XKR4: variants seen among roughly 807,000 people sequenced by gnomAD.
XKR4 encodes XK related 4.
In XKR4, 12 loss-of-function variants were observed where a neutral mutation model predicts 53.9. The ratio of observed to expected loss-of-function variants is 0.22; its 90% CI spans 0.14 to 0.36. XKR4 has a LOEUF of 0.36. Ranked by LOEUF, XKR4 falls within the 10% of genes least tolerant of loss-of-function variation. The pLI, the probability that XKR4 is intolerant of heterozygous loss-of-function variation, is 1.00. For synonymous variants in XKR4, 354 were observed against 362.4 expected (o/e 0.98, Z 0.26); for missense variants, 799 against 859.5 (o/e 0.93, Z 0.88).
At chr8:55,142,784 C>T (rs989270711) in intron 1 of XKR4, among the ~76,000 whole-genome samples, 1 of 152,198 alleles carries the variant, frequency 6.6e-6, no homozygotes, top group Non-Finnish European at 1.5e-5. Context: ...GCTTTTATTG[C>T]ATGTATGCGT....
In XKR4 at chr8:55,538,913, T is replaced by G. The variant is rs962497612; in HGVS notation, c.*14686T>G. The G allele has an allele frequency of 2.0e-5, 3 of 152,196 alleles. No homozygotes were observed. The highest frequency in any genetic ancestry group is 4.4e-5 in the Non-Finnish European group (3 of 68,042). 9.4% of individuals were successfully genotyped at this position (152,196 alleles called of 1,614,324 possible). ...TTATTTCCACCTGTAACTCCTGAAT[T>G]GATTCATTTTCACGTTATAACTACA... On this transcript the variant is annotated 3_prime_UTR_variant, in exon 3 of 3. Coordinates refer to ENST00000327381, the MANE Select transcript of XKR4 (RefSeq NM_052898.2).
chr8:55,204,632 A>G (rs754953165), intron 1 of XKR4, among the ~76,000 whole-genome samples: 8 of 152,184 alleles, frequency 5.3e-5, no homozygotes, highest in Non-Finnish European at 1.0e-4. Flanking sequence ...TGAACAAAAA[A>G]CCTGGATAAT....
chr8:55,479,211 A>C (rs1190361968), intron 2 of XKR4, among the ~76,000 whole-genome samples: 1 of 152,160 alleles, frequency 6.6e-6, no homozygotes, highest in African/African-American at 2.4e-5. Context: ...CTCAGACCAC[A>C]GTGCAATCAA....
intron 1 of XKR4, among the ~76,000 whole-genome samples, chr8:55,228,511 A>G (rs913096089): frequency 6.6e-6 from 1 of 152,206 alleles, no homozygotes; most frequent in Non-Finnish European, 1.5e-5. Context: ...TCTCATTCTC[A>G]GAAGCCTTAG....
chr8:55,483,142 A>G (rs756128426), intron 2 of XKR4, among the ~76,000 whole-genome samples: 2 of 152,178 alleles, frequency 1.3e-5, no homozygotes, highest in South Asian at 2.1e-4. Flanking sequence ...AAATGGGTGT[A>G]TAATTAGGAA....
intron 2 of XKR4, among the ~76,000 whole-genome samples, chr8:55,521,757 T>C (rs1806801582): frequency 6.6e-6 from 1 of 152,224 alleles, no homozygotes; most frequent in Non-Finnish European, 1.5e-5. Context: ...TCCTGTCAAT[T>C]AGTGTGGTCT....
At chr8:55,396,812 T>A (rs564961369) in intron 2 of XKR4, among the ~76,000 whole-genome samples, 31 of 152,244 alleles carry the variant, frequency 2.0e-4, no homozygotes, top group Non-Finnish European at 4.3e-4. Flanking sequence ...ACTAAAATCA[T>A]GCTTTAAAGA....
intron 2 of XKR4, among the ~76,000 whole-genome samples, chr8:55,395,641 A>G (rs1331453951): frequency 6.6e-6 from 1 of 152,152 alleles, no homozygotes; most frequent in African/African-American, 2.4e-5. Context: ...CATTCACCAG[A>G]ATGTGTGGGA....
intron 1 of XKR4, among the ~76,000 whole-genome samples, chr8:55,128,350 A>G (rs181521897): frequency 6.6e-6 from 1 of 152,324 alleles, no homozygotes; most frequent in East Asian, 1.9e-4. Context: ...CCAGTGCTCT[A>G]CTAGAACTTC....
intron 2 of XKR4, among the ~76,000 whole-genome samples, chr8:55,506,189 A>G (rs1257685730): frequency 1.3e-5 from 2 of 152,238 alleles, no homozygotes; most frequent in Non-Finnish European, 2.9e-5. Flanking sequence ...TGCAAATTAA[A>G]CAACAGGTGT....
intron 1 of XKR4, among the ~76,000 whole-genome samples, chr8:55,134,086 T>C (rs1816593319): frequency 1.3e-5 from 2 of 152,218 alleles, no homozygotes; most frequent in Admixed American, 1.3e-4. Context: ...AAAGACTGTT[T>C]ATAACAGCTA....
At chr8:55,128,739 A>G (rs908190496) in intron 1 of XKR4, among the ~76,000 whole-genome samples, 12 of 152,334 alleles carry the variant, frequency 7.9e-5, no homozygotes, top group Admixed American at 7.8e-4. Context: ...CCTGTGCAAC[A>G]AACAGACAGA....
chr8:55,172,075 G>C (rs948960305), intron 1 of XKR4, among the ~76,000 whole-genome samples: 1 of 152,034 alleles, frequency 6.6e-6, no homozygotes, highest in African/African-American at 2.4e-5. Flanking sequence ...TTAGCTGGGC[G>C]TGGTGCCGCA....
chr8:55,432,945 A>T (rs1426843255), intron 2 of XKR4, among the ~76,000 whole-genome samples: 2 of 151,968 alleles, frequency 1.3e-5, no homozygotes, highest in African/African-American at 4.8e-5. Flanking sequence ...TAGGGTCTTC[A>T]CTCATGTCCT....
chr8:55,200,018 GCAT>G (rs1421071416), intron 1 of XKR4, among the ~76,000 whole-genome samples: 1 of 152,116 alleles, frequency 6.6e-6, no homozygotes, highest in African/African-American at 2.4e-5. Flanking sequence ...ACTCCAAACT[GCAT>G]CACTATGTCA....
chr8:55,465,735 C>T (rs1805755970), intron 2 of XKR4, among the ~76,000 whole-genome samples: 1 of 152,064 alleles, frequency 6.6e-6, no homozygotes, highest in Non-Finnish European at 1.5e-5. Flanking sequence ...GCAACCTACT[C>T]ATCTGACAAA....
intron 2 of XKR4, among the ~76,000 whole-genome samples, chr8:55,362,256 A>T (rs927416005): frequency 8.5e-5 from 13 of 152,186 alleles, no homozygotes; most frequent in African/African-American, 3.1e-4. Context: ...CAGGTGAAGA[A>T]TTTGAGGCAT....
intron 1 of XKR4, among the ~76,000 whole-genome samples, chr8:55,294,299 C>G (rs538117518): frequency 6.6e-6 from 1 of 152,306 alleles, no homozygotes; most frequent in East Asian, 1.9e-4. Context: ...GTATTCTTTA[C>G]AAGGCCACTT....
At chr8:55,516,100 A>G (rs1806709419) in intron 2 of XKR4, among the ~76,000 whole-genome samples, 1 of 152,214 alleles carries the variant, frequency 6.6e-6, no homozygotes, top group South Asian at 2.1e-4. Flanking sequence ...AAGTGTTCTT[A>G]TGACACTTAT....
Sources: allele counts gnomAD v4.1 joint callset (sites outside exome capture counted in the v4.1 genomes callset), GRCh38; gene constraint gnomAD v4.1.1; transcripts MANE v1.5; gene names NCBI Gene and HGNC (gene_info 2026-07-23, HGNC 2026-07-21).